The following COL4A1 variants were observed in gnomAD, a reference collection of about 807,000 sequenced individuals.
COL4A1 encodes the protein collagen type IV alpha 1 chain.
Under a neutral mutation model 216.6 loss-of-function variants are expected in COL4A1, and 40 were observed. The ratio of observed to expected loss-of-function variants is 0.18; its 90% CI spans 0.14 to 0.24. COL4A1 has a LOEUF of 0.24. COL4A1 is among the 10% of genes least tolerant of loss of function. The pLI, the probability that COL4A1 is intolerant of heterozygous loss-of-function variation, is 1.00. For missense variants in COL4A1, 1,628 were observed against 2,196.8 expected, an observed-to-expected ratio of 0.74 and a Z score of 5.18; for synonymous variants, 839 against 810.7, an observed-to-expected ratio of 1.03 and a Z score of -0.59.
At chr13:110,200,930 C>T in intron 19 of COL4A1, 41 bp from the exon 20 acceptor site, 1 of 1,606,298 alleles carries the variant, frequency 6.2e-7, no homozygotes, top group African/African-American at 1.3e-5. Context: ...CAGAACAGTT[C>T]ACCCGTTTGT....
chr13:110,196,580 A>AAAAAAAC (rs984165456), intron 21 of COL4A1, among the ~76,000 whole-genome samples: 2 of 148,970 alleles, frequency 1.3e-5, no homozygotes, highest in Non-Finnish European at 3.0e-5. Context: ...AATCCCTGAC[A>AAAAAAAC]AAAAAACAAA....
intron 12 of COL4A1, 24 bp downstream of exon 12, chr13:110,208,825 C>G: frequency 6.2e-7 from 1 of 1,613,666 alleles, no homozygotes. Context: ...AACATGAAAG[C>G]ACTCCAGAGC....
intron 2 of COL4A1, among the ~76,000 whole-genome samples, chr13:110,222,129 C>A (rs1415503181): frequency 6.6e-6 from 1 of 152,158 alleles, no homozygotes; most frequent in Non-Finnish European, 1.5e-5. Flanking sequence ...CACAGCAGCA[C>A]CCCAGGGCCC....
At chr13:110,166,348 A>G in intron 44 of COL4A1, 45 bp from the exon 45 acceptor site, 4 of 1,164,140 alleles carry the variant, frequency 3.4e-6, no homozygotes, top group Non-Finnish European at 5.2e-6. Flanking sequence ...ATTCCCAATG[A>G]TATACAAATA....
intron 40 of COL4A1, 129 bp downstream of exon 40, chr13:110,173,771 A>C: frequency 1.0e-6 from 1 of 1,003,436 alleles, no homozygotes; most frequent in East Asian, 2.6e-5. Flanking sequence ...TCAGTGTTTA[A>C]GTAGTTGCAG....
chr13:110,201,039 C>T, intron 19 of COL4A1, 150 bp from the exon 20 acceptor site: 1 of 815,360 alleles, frequency 1.2e-6, no homozygotes, highest in East Asian at 2.6e-5. Context: ...ACCACCCGAG[C>T]CCCCACTCTG....
chr13:110,210,620 G>A (rs775071394), intron 8 of COL4A1, among the ~76,000 whole-genome samples: 7 of 152,162 alleles, frequency 4.6e-5, no homozygotes, highest in Non-Finnish European at 7.3e-5. Context: ...AAAGCACGGC[G>A]TAATGGTAAA....
intron 1 of COL4A1, among the ~76,000 whole-genome samples, chr13:110,254,326 T>C (rs528898146): frequency 6.6e-6 from 1 of 152,184 alleles, no homozygotes; most frequent in African/African-American, 2.4e-5. Flanking sequence ...AGAGGGAGTA[T>C]GCAGATAGTT....
At chr13:110,293,625 A>G (rs1884167009) in intron 1 of COL4A1, among the ~76,000 whole-genome samples, 1 of 152,190 alleles carries the variant, frequency 6.6e-6, no homozygotes, top group Non-Finnish European at 1.5e-5. Flanking sequence ...CTGTTTGAAC[A>G]TACTGGAAAC....
chr13:110,171,180 C>T lies in COL4A1; in HGVS notation c.3557-448G>A, dbSNP rs144916307. Among the ~76,000 whole-genome samples, 12 of 152,306 alleles carry T rather than the reference C, an allele frequency of 7.9e-5. No homozygotes were observed. The East Asian group carries it at 1.2e-3, about 15-fold the overall frequency. On this transcript the variant is annotated intron_variant, in intron 41 of 51. Transcript: ENST00000375820. Reference sequence around the variant, plus strand: ...AGCAACCACTGGGCTGGATCTCAAACGAATTATGTCGTGGGAGAGTAGTCA... The same window carrying T: ...AGCAACCACTGGGCTGGATCTCAAATGAATTATGTCGTGGGAGAGTAGTCA...
chr13:110,226,468 A>G (rs1034162959), intron 2 of COL4A1, among the ~76,000 whole-genome samples: 1 of 152,150 alleles, frequency 6.6e-6, no homozygotes, highest in African/African-American at 2.4e-5. Flanking sequence ...GTATCTTATC[A>G]CTGATAACAT....
rs372492788 is a variant in COL4A1, at chr13:110,203,526, C to G, written c.999+40G>C. On this transcript the variant is annotated intron_variant, in intron 18 of 51. Coordinates refer to ENST00000375820, the MANE Select transcript of COL4A1 (RefSeq NM_001845.6). Reference sequence around the variant, plus strand: ...GACCCAGGGTCCTCTCCTTCCTCCCCCAGCGCTCTCACAGACCCAGGGACA... The same window carrying G: ...GACCCAGGGTCCTCTCCTTCCTCCCGCAGCGCTCTCACAGACCCAGGGACA... 633 of 1,609,924 alleles carry G rather than the reference C, an allele frequency of 3.9e-4. 1 individual carries two copies. The highest frequency in any genetic ancestry group is 6.0e-4 in the Admixed American group (36 of 59,742).
intron 2 of COL4A1, among the ~76,000 whole-genome samples, chr13:110,236,747 G>T (rs1334024690): frequency 6.6e-6 from 1 of 152,222 alleles, no homozygotes; most frequent in East Asian, 1.9e-4. Flanking sequence ...TCACGCTGGG[G>T]GTGTTTCTGC....
intron 1 of COL4A1, among the ~76,000 whole-genome samples, chr13:110,298,102 A>G (rs1884349060): frequency 6.6e-6 from 1 of 152,194 alleles, no homozygotes; most frequent in African/African-American, 2.4e-5. Context: ...AATATCTATG[A>G]TCAACATGAA....
At chr13:110,233,416 G>A (rs1881158032) in intron 2 of COL4A1, among the ~76,000 whole-genome samples, 1 of 152,158 alleles carries the variant, frequency 6.6e-6, no homozygotes, top group African/African-American at 2.4e-5. Context: ...ACACCCTCGG[G>A]TCCTGCAGAT....
intron 1 of COL4A1, among the ~76,000 whole-genome samples, chr13:110,297,820 T>C (rs1013645096): frequency 3.3e-5 from 5 of 152,146 alleles, no homozygotes; most frequent in African/African-American, 1.2e-4. Flanking sequence ...ACACACTTAC[T>C]GAACAAATTT....
intron 1 of COL4A1, among the ~76,000 whole-genome samples, chr13:110,296,409 G>A (rs1884276792): frequency 6.6e-6 from 1 of 152,250 alleles, no homozygotes; most frequent in African/African-American, 2.4e-5. Context: ...AAGAAATAAA[G>A]TCGTAGTAAA....
rs763109280 is a variant in COL4A1, at chr13:110,170,646, G to A, written c.3643C>T (p.Pro1215Ser). 1 of 1,613,756 alleles carries A rather than the reference G, an allele frequency of 6.2e-7. No individual in the cohort carries two copies. Among genetic ancestry groups the A allele is most frequent in the Non-Finnish European group, 8.5e-7 (1 of 1,179,860 alleles). Reference sequence around the variant, plus strand: ...AACCCCGGCTGTCCCTGGGGCCCCGGAGGACCCATGAATCCTTGCTCTCCT... The same window carrying A: ...AACCCCGGCTGTCCCTGGGGCCCCGAAGGACCCATGAATCCTTGCTCTCCT... Reference protein sequence around the residue: ...SKGEQGFMGPPGPQGQPGLPG... With the variant: ...SKGEQGFMGPSGPQGQPGLPG... The change falls in exon 42 of 52, where the codon CCG (proline) becomes TCG (serine). Residue 1215 changes from proline (P) to serine (S), a missense_variant. Transcript: ENST00000375820.
At chr13:110,297,529 T>G (rs1271636107) in intron 1 of COL4A1, among the ~76,000 whole-genome samples, 1 of 152,222 alleles carries the variant, frequency 6.6e-6, no homozygotes, top group Non-Finnish European at 1.5e-5. Context: ...TTTATTTTTA[T>G]TAATTTTATT....
Sources: allele counts gnomAD v4.1 joint callset (sites outside exome capture counted in the v4.1 genomes callset), GRCh38; gene constraint gnomAD v4.1.1; transcripts MANE v1.5; gene names NCBI Gene and HGNC (gene_info 2026-07-23, HGNC 2026-07-21).